PALM2AKAP2: variants seen among roughly 807,000 people sequenced by gnomAD.
PALM2AKAP2 encodes the protein PALM2-AKAP2 fusion protein.
A neutral mutation model predicts 71.5 loss-of-function variants in PALM2AKAP2; 37 were observed. The ratio of observed to expected loss-of-function variants is 0.52; its 90% CI spans 0.40 to 0.68. The LOEUF (loss-of-function observed/expected upper bound fraction) is 0.68. Among genes scored for constraint, PALM2AKAP2 ranks in the 30% least tolerant of loss-of-function variants. PALM2AKAP2 has a pLI of 0.00. For synonymous variants in PALM2AKAP2, 468 were observed against 478.8 expected, an observed-to-expected ratio of 0.98 and a Z score of 0.29; for missense variants, 1,224 against 1,191.8, an observed-to-expected ratio of 1.03 and a Z score of -0.40.
intron 1 of PALM2AKAP2, among the ~76,000 whole-genome samples, chr9:109,733,960 A>G (rs1418606016): frequency 6.6e-6 from 1 of 152,228 alleles, no homozygotes; most frequent in East Asian, 1.9e-4. Context: ...CCAACTATAC[A>G]TTCAATGATG....
chr9:110,042,336 G>T (rs1468139590), intron 7 of PALM2AKAP2, among the ~76,000 whole-genome samples: 1 of 152,220 alleles, frequency 6.6e-6, no homozygotes, highest in Non-Finnish European at 1.5e-5. Context: ...TGAGGGAGGA[G>T]AATTGCTTGA....
chr9:110,087,332 G>C (rs145721500), intron 1 of PALM2AKAP2, among the ~76,000 whole-genome samples: 126 of 152,338 alleles, frequency 8.3e-4, no homozygotes, highest in African/African-American at 2.8e-3. Flanking sequence ...CCAAAGGTTT[G>C]AGGACCATGT....
In PALM2AKAP2 at chr9:110,168,055, A is replaced by C. The variant is rs113741777; in HGVS notation, c.2749-344A>C. Among the ~76,000 whole-genome samples, 575 of 152,342 alleles carry C rather than the reference A, an allele frequency of 3.8e-3. 5 individuals are homozygous for C. The highest frequency in any genetic ancestry group is 7.2e-3 in the South Asian group (35 of 4,830). ...CGTTTTCATCATTGCATAAAGTTCA[A>C]TTGGACAGCACTGATCTGCTGCGTG... On this transcript the variant is annotated intron_variant, in intron 3 of 3. Transcript: ENST00000374525.
chr9:109,906,687 A>G (rs1287351894), intron 3 of PALM2AKAP2, among the ~76,000 whole-genome samples: 1 of 152,136 alleles, frequency 6.6e-6, no homozygotes, highest in Non-Finnish European at 1.5e-5. Context: ...GACAACTCCT[A>G]ATTGTTCTTT....
chr9:110,034,386 G>C (rs960536965), intron 7 of PALM2AKAP2, among the ~76,000 whole-genome samples: 23 of 152,020 alleles, frequency 1.5e-4, no homozygotes, highest in Admixed American at 3.3e-4. Flanking sequence ...TCAAACTCCC[G>C]ACCTCAGGTG....
rs75237914 is a variant in PALM2AKAP2 at position 110,016,254 on chromosome 9, G to T, written c.582+215G>T. Among the ~76,000 whole-genome samples, 7 of 152,226 alleles carry T rather than the reference G, an allele frequency of 4.6e-5. No homozygotes were observed. The East Asian group carries it at 1.3e-3, about 29-fold the overall frequency. ...TACCACCCTGAATATGCCCGACCTC[G>T]TCTGAAACTTGGGATCTGGATTAGG... On this transcript the variant is annotated intron_variant, in intron 7 of 9. Coordinates refer to the PALM2AKAP2 transcript ENST00000302798.
At chr9:110,119,673 TGAGA>T (rs1275054419) in intron 1 of PALM2AKAP2, among the ~76,000 whole-genome samples, 1 of 152,210 alleles carries the variant, frequency 6.6e-6, no homozygotes, top group East Asian at 1.9e-4. Flanking sequence ...TAAATGGGAT[TGAGA>T]GTCATTCTGT....
intron 6 of PALM2AKAP2, among the ~76,000 whole-genome samples, chr9:109,968,024 A>G (rs1418221835): frequency 6.6e-6 from 1 of 152,252 alleles, no homozygotes; most frequent in African/African-American, 2.4e-5. Context: ...AGTGCTTGGC[A>G]CACAAAAGTG....
intron 1 of PALM2AKAP2, among the ~76,000 whole-genome samples, chr9:109,836,309 G>T (rs1187631412): frequency 1.3e-5 from 2 of 152,256 alleles, no homozygotes; most frequent in Non-Finnish European, 2.9e-5. Context: ...CAGACCTGCA[G>T]CTGAGGGTCC....
intron 1 of PALM2AKAP2, among the ~76,000 whole-genome samples, chr9:109,704,581 T>C (rs548606790): frequency 3.9e-5 from 6 of 152,270 alleles, no homozygotes; most frequent in African/African-American, 1.4e-4. Context: ...GGGAGGTCAG[T>C]GAGGCTACAG....
chr9:110,150,280 C>T (rs55917037), intron 2 of PALM2AKAP2, among the ~76,000 whole-genome samples: 24,019 of 152,220 alleles, frequency 0.16, 1,976 homozygotes, highest in African/African-American at 0.2. Context: ...GTTGTTCAAA[C>T]CATCCAGTCT....
intron 7 of PALM2AKAP2, among the ~76,000 whole-genome samples, chr9:110,029,789 T>A (rs1433643093): frequency 6.6e-6 from 1 of 152,166 alleles, no homozygotes; most frequent in Non-Finnish European, 1.5e-5. Flanking sequence ...CTGGTTCCCA[T>A]TTAGGCAGGG....
At chr9:109,839,018 C>T (rs1425217489) in intron 1 of PALM2AKAP2, among the ~76,000 whole-genome samples, 1 of 152,182 alleles carries the variant, frequency 6.6e-6, no homozygotes, top group Non-Finnish European at 1.5e-5. Context: ...AGAGGGAATC[C>T]TTCCTAACTC....
intron 1 of PALM2AKAP2, among the ~76,000 whole-genome samples, chr9:109,702,950 C>G (rs1307457525): frequency 2.0e-5 from 3 of 151,920 alleles, no homozygotes; most frequent in Non-Finnish European, 2.9e-5. Flanking sequence ...TCCCATGTAG[C>G]TGGGAGTACA....
intron 2 of PALM2AKAP2, among the ~76,000 whole-genome samples, chr9:110,145,022 A>C (rs1263518882): frequency 6.6e-6 from 1 of 152,162 alleles, no homozygotes; most frequent in Non-Finnish European, 1.5e-5. Context: ...TGAGGTATAC[A>C]GTAATAGCTT....
chr9:109,943,487 A>C, intron 6 of PALM2AKAP2: 136 of 1,517,516 alleles, frequency 9.0e-5, no homozygotes, highest in Non-Finnish European at 1.1e-4. Context: ...CGTAGACCTC[A>C]CTGTACCACT....
At chr9:109,953,834 CA>C (rs34719180) in intron 6 of PALM2AKAP2, among the ~76,000 whole-genome samples, 1,337 of 48,644 alleles carry the variant, frequency 0.027, 4 homozygotes, top group African/African-American at 0.034. Flanking sequence ...GACTCCATCT[CA>C]AAAAAAAAAA....
chr9:109,683,657 T>G (rs907424026), intron 1 of PALM2AKAP2, among the ~76,000 whole-genome samples: 1 of 152,164 alleles, frequency 6.6e-6, no homozygotes, highest in Non-Finnish European at 1.5e-5. Context: ...TAAGCCATTT[T>G]CCTTGGGCCA....
chr9:109,979,940 C>G (rs1483596736), intron 6 of PALM2AKAP2, among the ~76,000 whole-genome samples: 1 of 152,182 alleles, frequency 6.6e-6, no homozygotes, highest in Non-Finnish European at 1.5e-5. Context: ...GCAGACAGGC[C>G]TGGATGACAC....
Sources: gnomAD v4.1 joint callset for allele counts (sites outside exome capture counted in the v4.1 genomes callset) on GRCh38, gnomAD v4.1.1 for gene constraint, MANE v1.5 for transcripts, NCBI Gene and HGNC (gene_info 2026-07-23, HGNC 2026-07-21) for gene names.